The following PDHX variants were observed in gnomAD, a reference collection of about 807,000 sequenced individuals.
PDHX encodes the protein pyruvate dehydrogenase protein X component, mitochondrial.
In PDHX, 33 loss-of-function variants were observed where a neutral mutation model predicts 55.3. The ratio of observed to expected loss-of-function variants is 0.60; its 90% CI spans 0.45 to 0.80. The LOEUF is 0.80. Ranked by LOEUF, PDHX falls within the 30% of genes least tolerant of loss-of-function variation. PDHX has a pLI of 0.00. For missense variants in PDHX, 622 were observed against 619.9 expected, an observed-to-expected ratio of 1.00 and a Z score of -0.04; for synonymous variants, 226 against 219.4, an observed-to-expected ratio of 1.03 and a Z score of -0.27.
chr11:34,956,496 A>AT, intron 3 of PDHX, among the ~76,000 whole-genome samples: 1 of 152,136 alleles, frequency 6.6e-6, no homozygotes, highest in Non-Finnish European at 1.5e-5. Context: ...ATAATAGAAG[A>AT]TTTTAAGGGA....
intron 9 of PDHX, among the ~76,000 whole-genome samples, chr11:34,988,490 G>T (rs1474102474): frequency 2.0e-5 from 3 of 148,748 alleles, no homozygotes; most frequent in Non-Finnish European, 4.4e-5. Context: ...CCACATACTA[G>T]TTACATAACT....
chr11:34,917,288 C>T (rs562108961), intron 1 of PDHX, among the ~76,000 whole-genome samples: 3 of 152,296 alleles, frequency 2.0e-5, no homozygotes, highest in East Asian at 3.9e-4. Flanking sequence ...TTTTACCCCA[C>T]GCCATGACTC....
chr11:34,976,155 G>A (rs568652541), intron 7 of PDHX, among the ~76,000 whole-genome samples: 19 of 152,234 alleles, frequency 1.2e-4, no homozygotes, highest in African/African-American at 4.1e-4. Flanking sequence ...GCATGGTCCA[G>A]TTTTGGTACA....
At chr11:34,985,267 C>T (rs1855615999) in intron 9 of PDHX, among the ~76,000 whole-genome samples, 1 of 152,072 alleles carries the variant, frequency 6.6e-6, no homozygotes, top group Non-Finnish European at 1.5e-5. Context: ...GTGGTGTAAC[C>T]CCATCTCTAC....
At chr11:34,966,901 G>T in intron 6 of PDHX, 87 bp downstream of exon 6, 2 of 1,162,226 alleles carry the variant, frequency 1.7e-6, no homozygotes, top group African/African-American at 1.5e-5. Context: ...ACCCAGGCTG[G>T]AGTGCAATGG....
intron 3 of PDHX, among the ~76,000 whole-genome samples, chr11:34,953,184 A>G (rs909309830): frequency 1.3e-5 from 2 of 152,238 alleles, no homozygotes; most frequent in African/African-American, 4.8e-5. Flanking sequence ...GCTCAATGAA[A>G]TAAAAGAGGA....
chr11:34,926,387 A>T (rs763534142), intron 1 of PDHX, among the ~76,000 whole-genome samples: 15 of 152,172 alleles, frequency 9.9e-5, no homozygotes, highest in Admixed American at 7.2e-4. Context: ...TCCCTATTAG[A>T]GAAGAAGCAA....
At chr11:34,962,872 C>T (rs537749727) in intron 5 of PDHX, among the ~76,000 whole-genome samples, 14 of 152,124 alleles carry the variant, frequency 9.2e-5, no homozygotes, top group African/African-American at 2.9e-4. Flanking sequence ...ATTAATGAAA[C>T]ATTTCTTAAG....
At chr11:34,917,109 C>G (rs1329996157) in intron 1 of PDHX, among the ~76,000 whole-genome samples, 1 of 152,144 alleles carries the variant, frequency 6.6e-6, no homozygotes. Context: ...AAACTCTCCT[C>G]CCTCAGCCCC....
At chr11:34,962,391 GGGAATGAATTT>G (rs1056077722) in intron 5 of PDHX, among the ~76,000 whole-genome samples, 5 of 152,156 alleles carry the variant, frequency 3.3e-5, no homozygotes, top group African/African-American at 1.2e-4. Context: ...CAACAAGTAA[GGGAATGAATTT>G]GGATCTGGTC....
At position 34,983,057 on chromosome 11, in the gene PDHX, T is replaced by G. The variant is rs183312295; in HGVS notation, c.1024-1513T>G. Among the ~76,000 whole-genome samples the G allele has an allele frequency of 3.9e-5, 6 of 152,174 alleles. 1 individual carries two copies. The highest frequency in any genetic ancestry group is 1.4e-4 in the African/African-American group (6 of 41,516). ...CTGGCAAACCAAATCCAGCAGCACATCAAAAAGCTTATCCACCACGACGAA... is the reference window on the plus strand; with the variant it reads ...CTGGCAAACCAAATCCAGCAGCACAGCAAAAAGCTTATCCACCACGACGAA... On this transcript the variant is annotated intron_variant, in intron 8 of 10. Transcript: ENST00000227868.
chr11:34,963,537 C>T (rs1855064717), intron 5 of PDHX, among the ~76,000 whole-genome samples: 1 of 152,180 alleles, frequency 6.6e-6, no homozygotes, highest in Non-Finnish European at 1.5e-5. Flanking sequence ...ACCTCAGCCT[C>T]TCGAAGTGCT....
chr11:34,964,009 T>C (rs547169030), intron 5 of PDHX, among the ~76,000 whole-genome samples: 3 of 152,308 alleles, frequency 2.0e-5, no homozygotes, highest in Admixed American at 2.0e-4. Flanking sequence ...AATGAATTCA[T>C]GTCACACCCA....
chr11:34,954,264 G>T (rs1045013665), intron 3 of PDHX, among the ~76,000 whole-genome samples: 1 of 152,162 alleles, frequency 6.6e-6, no homozygotes, highest in Non-Finnish European at 1.5e-5. Flanking sequence ...TTTAATATCA[G>T]AATTAAAACA....
chr11:34,934,953 A>G (rs7119524), intron 2 of PDHX, among the ~76,000 whole-genome samples: 28,707 of 151,802 alleles, frequency 0.19, 3,884 homozygotes, highest in African/African-American at 0.39. Context: ...AATCTCACCT[A>G]TAAGAGATGT....
chr11:34,982,258 A>T (rs1334436954), intron 8 of PDHX, among the ~76,000 whole-genome samples: 2 of 152,208 alleles, frequency 1.3e-5, no homozygotes, highest in African/African-American at 2.4e-5. Context: ...TTAAATAGGG[A>T]ATCGTTTCCC....
intron 2 of PDHX, among the ~76,000 whole-genome samples, chr11:34,935,360 A>T (rs1257845128): frequency 1.3e-5 from 2 of 152,186 alleles, no homozygotes; most frequent in Non-Finnish European, 2.9e-5. Flanking sequence ...TAAGTACCTA[A>T]TATGGTGCTT....
chr11:34,919,074 G>T (rs1435920476), intron 1 of PDHX, among the ~76,000 whole-genome samples: 3 of 152,116 alleles, frequency 2.0e-5, no homozygotes, highest in Admixed American at 2.0e-4. Flanking sequence ...TAGGTTCTGG[G>T]TATTAGGACG....
At position 34,916,691 on chromosome 11, in the gene PDHX, G is replaced by C. The variant is rs1221096544; in HGVS notation, c.36G>C (p.Arg12=). 6.2e-7 allele frequency: 1 copy of C among 1,612,228 alleles called. No individual in the cohort carries two copies. The highest frequency in any genetic ancestry group is 2.2e-5 in the East Asian group (1 of 44,874). The part of the protein sequence containing the change: ...AASWRLGCDP[R]LLRYLVGFPG... ...CCTGGAGGCTGGGCTGTGATCCGCGGCTGCTGCGTTATCTTGTGGGCTTCC... is the reference window on the plus strand; with the variant it reads ...CCTGGAGGCTGGGCTGTGATCCGCGCCTGCTGCGTTATCTTGTGGGCTTCC... Residue 12 remains arginine, a synonymous_variant, in exon 1 of 11, where the codon CGG becomes CGC. Transcript: ENST00000227868.
Sources: allele counts gnomAD v4.1 joint callset (sites outside exome capture counted in the v4.1 genomes callset), GRCh38; gene constraint gnomAD v4.1.1; transcripts MANE v1.5; gene names NCBI Gene and HGNC (gene_info 2026-07-23, HGNC 2026-07-21).